HOMER1: variants seen among roughly 807,000 people sequenced by gnomAD.
HOMER1 encodes the protein homer scaffold protein 1.
In HOMER1, 3 loss-of-function variants were observed where a neutral mutation model predicts 48.9. The ratio of observed to expected loss-of-function variants is 0.06; its 90% CI spans 0.03 to 0.16. HOMER1 has a LOEUF of 0.16. HOMER1 is among the 10% of genes least tolerant of loss of function. The probability of loss-of-function intolerance (pLI) is 1.00; values close to 1 mark genes in which losing one functional copy is unlikely to be tolerated. For missense variants in HOMER1, 247 were observed against 411.4 expected, an observed-to-expected ratio of 0.60 and a Z score of 3.46; for synonymous variants, 134 against 146.4, an observed-to-expected ratio of 0.92 and a Z score of 0.61.
chr5:79,456,509 T>A (rs1751181669), intron 2 of HOMER1, among the ~76,000 whole-genome samples: 1 of 152,250 alleles, frequency 6.6e-6, no homozygotes, highest in African/African-American at 2.4e-5. Context: ...TAGCAGTATA[T>A]TTGAAAAGAA....
intron 1 of HOMER1, among the ~76,000 whole-genome samples, chr5:79,508,334 G>C (rs541497359): frequency 6.6e-6 from 1 of 152,144 alleles, no homozygotes; most frequent in Non-Finnish European, 1.5e-5. Flanking sequence ...TACAAAGCAA[G>C]GGTATTATGT....
chr5:79,460,267 G>A (rs1751284303), intron 1 of HOMER1, among the ~76,000 whole-genome samples: 1 of 152,150 alleles, frequency 6.6e-6, no homozygotes, highest in African/African-American at 2.4e-5. Context: ...ACAAGTTCGA[G>A]ACCAGCTTAG....
At chr5:79,428,580 A>G (rs1750335770) in intron 5 of HOMER1, among the ~76,000 whole-genome samples, 1 of 152,210 alleles carries the variant, frequency 6.6e-6, no homozygotes, top group African/African-American at 2.4e-5. Flanking sequence ...CTAATAAATG[A>G]GTTCAGTAAG....
chr5:79,460,932 G>A (rs1751302673), intron 1 of HOMER1, among the ~76,000 whole-genome samples: 1 of 152,168 alleles, frequency 6.6e-6, no homozygotes, highest in Non-Finnish European at 1.5e-5. Flanking sequence ...GCAAGGATGG[G>A]CCACAGAAAG....
intron 8 of HOMER1, among the ~76,000 whole-genome samples, chr5:79,380,049 A>G (rs537245427): frequency 6.6e-6 from 1 of 152,314 alleles, no homozygotes; most frequent in East Asian, 1.9e-4. Context: ...CTGGAATTAA[A>G]CAGAAAAAGT....
At chr5:79,438,893 A>AAG in intron 5 of HOMER1, 117 bp downstream of exon 5, 2 of 781,644 alleles carry the variant, frequency 2.6e-6, no homozygotes, top group Non-Finnish European at 4.0e-6. Flanking sequence ...AAAAAAAAAA[A>AAG]AAGTCAAAGT....
At chr5:79,424,193 G>T (rs2112251798) in intron 5 of HOMER1, among the ~76,000 whole-genome samples, 1 of 152,042 alleles carries the variant, frequency 6.6e-6, no homozygotes, top group Non-Finnish European at 1.5e-5. Flanking sequence ...TATAATAGAA[G>T]AGCACACATC....
chr5:79,464,775 G>C (rs947215967), intron 1 of HOMER1, among the ~76,000 whole-genome samples: 1 of 152,044 alleles, frequency 6.6e-6, no homozygotes, highest in Non-Finnish European at 1.5e-5. Context: ...ATGTCCCTAT[G>C]CCATGATATG....
Position 79,402,072 on chromosome 5 carries a change from A to C in HOMER1, c.528-17T>G, listed in dbSNP as rs1399236384. The C allele has an allele frequency of 6.2e-7, 1 of 1,606,124 alleles. No homozygotes were observed. The highest frequency in any genetic ancestry group is 8.5e-7 in the Non-Finnish European group (1 of 1,177,630). On this transcript the variant is annotated splice_polypyrimidine_tract_variant and intron_variant, in intron 5 of 8. Coordinates refer to ENST00000334082, the MANE Select transcript of HOMER1 (RefSeq NM_004272.5). Reference sequence around the variant, plus strand: ...ATTGCTGAACTAAAATAAAACAAAAAGAAAATTCTATCCATTACACCAACT... The same window carrying C: ...ATTGCTGAACTAAAATAAAACAAAACGAAAATTCTATCCATTACACCAACT...
chr5:79,432,506 G>A (rs1750453111), intron 5 of HOMER1, among the ~76,000 whole-genome samples: 1 of 152,144 alleles, frequency 6.6e-6, no homozygotes, highest in African/African-American at 2.4e-5. Context: ...GCCATTGGAG[G>A]TGGGTTAGTA....
Position 79,376,142 on chromosome 5 carries a change from C to T in HOMER1, c.932G>A (p.Arg311His), listed in dbSNP as rs1360672363. ...TTGTTCATTCTGACTTTTCTCCAGA[C>T]GTTGCTCTAAGTCAGACAGTTGTCC... is the stretch of plus-strand genomic sequence containing the variant. ...LEGQLSDLEQ[R>H]LEKSQNEQEA... The change falls in exon 9 of 9, where the codon CGT (arginine) becomes CAT (histidine). Residue 311 changes from arginine (R) to histidine (H), a missense_variant. Physicochemically the swap from Arg to His is conservative, Grantham distance 29. This residue lies in a region of HOMER1 where 113 missense variants were observed against 152.5 expected (regional missense o/e 0.74). Transcript: ENST00000334082. 1.2e-6 allele frequency: 2 copies of T among 1,613,764 alleles called. No homozygotes were observed. Among genetic ancestry groups the T allele is most frequent in the South Asian group, 1.1e-5 (1 of 91,032 alleles).
At chr5:79,491,437 T>TC (rs1752274488) in intron 1 of HOMER1, among the ~76,000 whole-genome samples, 1 of 21,394 alleles carries the variant, frequency 4.7e-5, no homozygotes, top group African/African-American at 3.8e-4. Flanking sequence ...AGACCTTGTC[T>TC]CAAAAAAAAA....
At chr5:79,396,747 G>C (rs1749396117) in intron 8 of HOMER1, 76 bp downstream of exon 8, 1 of 750,562 alleles carries the variant, frequency 1.3e-6, no homozygotes, top group South Asian at 2.0e-5. Context: ...TGGAGTCTCA[G>C]AAAAAAAGTC....
intron 5 of HOMER1, among the ~76,000 whole-genome samples, chr5:79,410,699 A>AG (rs1474438562): frequency 7.9e-5 from 8 of 101,124 alleles, no homozygotes; most frequent in African/African-American, 1.5e-4. Flanking sequence ...ATTAATTTTG[A>AG]AAAAAAAAAA....
intron 5 of HOMER1, among the ~76,000 whole-genome samples, chr5:79,411,656 T>G (rs1294764289): frequency 6.6e-6 from 1 of 152,220 alleles, no homozygotes; most frequent in Non-Finnish European, 1.5e-5. Context: ...ATGCTACATG[T>G]GAATGGTCAC....
intron 1 of HOMER1, among the ~76,000 whole-genome samples, chr5:79,496,582 G>C (rs1752427050): frequency 6.6e-6 from 1 of 152,080 alleles, no homozygotes; most frequent in East Asian, 1.9e-4. Context: ...ATTTTAGCCA[G>C]TTCACCACCT....
At chr5:79,389,636 G>A (rs142591861) in intron 8 of HOMER1, among the ~76,000 whole-genome samples, 221 of 152,260 alleles carry the variant, frequency 1.5e-3, no homozygotes, top group Non-Finnish European at 2.5e-3. Flanking sequence ...GGAGGATGCA[G>A]CAACAAGGCA....
At chr5:79,490,792 A>ACAC (rs1554063192) in intron 1 of HOMER1, among the ~76,000 whole-genome samples, 2 of 145,906 alleles carry the variant, frequency 1.4e-5, no homozygotes, top group African/African-American at 5.3e-5. Flanking sequence ...AAAAAAAAAA[A>ACAC]CCATAAAAAA....
At chr5:79,483,096 C>T (rs1047104793) in intron 1 of HOMER1, among the ~76,000 whole-genome samples, 8 of 147,926 alleles carry the variant, frequency 5.4e-5, no homozygotes, top group African/African-American at 1.0e-4. Context: ...AAACCACAAG[C>T]GCAAAAAAAA....
Sources: gnomAD v4.1 joint callset for allele counts (sites outside exome capture counted in the v4.1 genomes callset) on GRCh38, gnomAD v4.1.1 for gene constraint, gnomAD v4.1.1 regional missense constraint, MANE v1.5 for transcripts, NCBI Gene and HGNC (gene_info 2026-07-23, HGNC 2026-07-21) for gene names.